The following FCHO2 variants were observed in gnomAD, a reference collection of about 807,000 sequenced individuals.
FCHO2 encodes F-BAR domain only protein 2.
FCHO2 carries 43 observed loss-of-function variants against 114.1 expected under a neutral mutation model. The observed-to-expected ratio is 0.38, with a 90% CI of 0.30 to 0.49. FCHO2 has a LOEUF of 0.49. Among genes scored for constraint, FCHO2 ranks in the 20% least tolerant of loss-of-function variants. The pLI is 0.97. For missense variants in FCHO2, 807 were observed against 950.4 expected, an observed-to-expected ratio of 0.85 and a Z score of 1.98; for synonymous variants, 293 against 315.2, an observed-to-expected ratio of 0.93 and a Z score of 0.75.
intron 8 of FCHO2, among the ~76,000 whole-genome samples, chr5:73,027,911 A>G (rs1221228492): frequency 1.3e-5 from 2 of 152,142 alleles, no homozygotes; most frequent in East Asian, 1.9e-4. Context: ...AAGGCTGACT[A>G]TACCAGCCAG....
chr5:73,055,066 C>T (rs762301914), intron 15 of FCHO2: 2 of 382,526 alleles, frequency 5.2e-6, no homozygotes, highest in South Asian at 4.0e-5. Flanking sequence ...ATTTTGTTAA[C>T]AGAAGACTTA....
chr5:72,980,240 G>A (rs1316311677), intron 2 of FCHO2, among the ~76,000 whole-genome samples: 2 of 152,230 alleles, frequency 1.3e-5, no homozygotes, highest in East Asian at 1.9e-4. Flanking sequence ...TTCAGTTTCC[G>A]TGTAGTTGTG....
At chr5:73,039,459 C>T (rs907990081) in intron 10 of FCHO2, among the ~76,000 whole-genome samples, 4 of 152,148 alleles carry the variant, frequency 2.6e-5, no homozygotes, top group Non-Finnish European at 5.9e-5. Context: ...TAGAAATGTT[C>T]TAACATCTTG....
chr5:73,078,343 AT>A, intron 22 of FCHO2, 31 bp downstream of exon 22: 1 of 1,532,036 alleles, frequency 6.5e-7, no homozygotes, highest in South Asian at 1.3e-5. Flanking sequence ...AAAATTCTAA[AT>A]TAAAATATTA....
rs140422461 is a variant in FCHO2, at chr5:73,074,904, A to T, written c.1691+51A>T. On this transcript the variant is annotated intron_variant, in intron 20 of 25. Coordinates refer to ENST00000430046, the MANE Select transcript of FCHO2 (RefSeq NM_138782.3). ...ATGTGTATGTATGTGTGTTGGGTGG[A>T]GGAGGTGGTGGGGCTTGGTGGTAAA... The T allele has an allele frequency of 4.6e-5, 66 of 1,432,706 alleles. No individual in the cohort carries two copies. The Middle Eastern group carries it at 1.1e-3, about 23-fold the overall frequency. The allele number at this position is 1,432,706 out of a possible 1,614,324, so 88.7% of individuals were successfully genotyped here. A position where few individuals can be genotyped will look rare whatever the true frequency, so the allele number is the denominator to read the frequency against.
chr5:72,997,030 C>G (rs1373171173), intron 5 of FCHO2: 4 of 1,439,676 alleles, frequency 2.8e-6, no homozygotes, highest in Non-Finnish European at 3.9e-6. Context: ...TAATTCAGCA[C>G]CAAACTGTTC....
chr5:72,956,842 ATTC>A (rs1004790031), intron 1 of FCHO2, among the ~76,000 whole-genome samples: 2 of 150,068 alleles, frequency 1.3e-5, no homozygotes, highest in African/African-American at 2.5e-5. Flanking sequence ...TCAGTATTAG[ATTC>A]TTCTTTGAGA....
At chr5:73,042,977 T>A (rs1166998852) in intron 11 of FCHO2, among the ~76,000 whole-genome samples, 1 of 152,216 alleles carries the variant, frequency 6.6e-6, no homozygotes, top group Non-Finnish European at 1.5e-5. Flanking sequence ...TGCTCAGGCT[T>A]GAGTGCCGTT....
chr5:72,956,195 T>A (rs1037834143), intron 1 of FCHO2, 66 bp downstream of exon 1: 1 of 1,494,324 alleles, frequency 6.7e-7, no homozygotes, highest in African/African-American at 1.5e-5. Context: ...GAGCTTGGCC[T>A]GCGTGCGCTT....
chr5:72,986,384 CTT>C (rs1042018416), intron 2 of FCHO2, among the ~76,000 whole-genome samples: 10 of 152,178 alleles, frequency 6.6e-5, no homozygotes, highest in South Asian at 6.2e-4. Flanking sequence ...GACCTGAACT[CTT>C]TTTCTTTTGG....
chr5:73,088,367 A>T lies in FCHO2; in HGVS notation c.*277A>T. On this transcript the variant is annotated 3_prime_UTR_variant, in exon 26 of 26. Transcript: ENST00000430046. ...AAGTTTTTGTAGGATTAATTTTTAAATTATTTCCAGTGTCTATGTTGAAAA... is the reference window on the plus strand; with the variant it reads ...AAGTTTTTGTAGGATTAATTTTTAATTTATTTCCAGTGTCTATGTTGAAAA... 2.3e-6 allele frequency: 1 copy of T among 429,454 alleles called. No individual in the cohort carries two copies. The highest frequency in any genetic ancestry group is 4.2e-6 in the Non-Finnish European group (1 of 238,722). The allele number at this position is 429,454 out of a possible 1,614,324, so 26.6% of individuals were successfully genotyped here.
At chr5:73,057,768 C>G (rs1757664802) in intron 16 of FCHO2, among the ~76,000 whole-genome samples, 1 of 152,140 alleles carries the variant, frequency 6.6e-6, no homozygotes, top group African/African-American at 2.4e-5. Flanking sequence ...TGTCTTTGGG[C>G]AGTTCATTTA....
intron 2 of FCHO2, among the ~76,000 whole-genome samples, chr5:72,972,408 G>A (rs1056101762): frequency 6.6e-6 from 1 of 151,994 alleles, no homozygotes; most frequent in African/African-American, 2.4e-5. Flanking sequence ...CCTTGAAGAG[G>A]TCCTTCCCAT....
At chr5:73,078,740 A>T (rs1165120730) in intron 22 of FCHO2, among the ~76,000 whole-genome samples, 2 of 152,236 alleles carry the variant, frequency 1.3e-5, no homozygotes, top group African/African-American at 2.4e-5. Context: ...CAAAATTATT[A>T]TTGCTTACAG....
chr5:73,065,681 A>G (rs565741100), intron 18 of FCHO2, among the ~76,000 whole-genome samples: 5 of 152,170 alleles, frequency 3.3e-5, no homozygotes, highest in East Asian at 1.9e-4. Context: ...CATACTTTAC[A>G]TATTTCTAAT....
At chr5:73,035,675 G>GT in intron 9 of FCHO2, among the ~76,000 whole-genome samples, 1 of 152,084 alleles carries the variant, frequency 6.6e-6, no homozygotes, top group South Asian at 2.1e-4. Flanking sequence ...GCTAACTTTT[G>GT]TATTTTTTTT....
Position 73,051,420 on chromosome 5 carries a change from A to G in FCHO2, c.997+14A>G, listed in dbSNP as rs1286485946. The G allele has an allele frequency of 6.7e-7, 1 of 1,489,520 alleles. No individual in the cohort carries two copies. Among genetic ancestry groups the G allele is most frequent in the Non-Finnish European group, 9.1e-7 (1 of 1,095,996 alleles). 92.3% of individuals were successfully genotyped at this position (1,489,520 alleles called of 1,614,324 possible). A position where few individuals can be genotyped will look rare whatever the true frequency, so the allele number is the denominator to read the frequency against. On this transcript the variant is annotated intron_variant, in intron 12 of 25. Transcript: ENST00000430046. ...CAAATCAGAATGATATCCTTTCATCATCTAGTATTCTTAAGGATTATGTTG... is the reference window on the plus strand; with the variant it reads ...CAAATCAGAATGATATCCTTTCATCGTCTAGTATTCTTAAGGATTATGTTG...
intron 5 of FCHO2, among the ~76,000 whole-genome samples, chr5:72,992,940 GAGA>G (rs1208452214): frequency 2.0e-5 from 3 of 149,218 alleles, no homozygotes; most frequent in Non-Finnish European, 4.4e-5. Context: ...AAGGGCGAGA[GAGA>G]AGAAGAGAAA....
rs548430818 is a variant in FCHO2, at chr5:72,982,822, A to T, written c.126-6605A>T. Among the ~76,000 whole-genome samples, 278 of 116,414 alleles carry T rather than the reference A, an allele frequency of 2.4e-3. 1 individual carries two copies. The highest frequency in any genetic ancestry group is 8.3e-3 in the African/African-American group (265 of 32,002). 76.4% of individuals were successfully genotyped at this position (116,414 alleles called of 152,430 possible). On this transcript the variant is annotated intron_variant, in intron 2 of 25. Coordinates refer to ENST00000430046, the MANE Select transcript of FCHO2 (RefSeq NM_138782.3). ...TGAAGGGTGTAAGGTCTGTGTCTGG[A>T]TTCATTTTTTTTTTTTTTTTTTTTG...
Sources: gnomAD v4.1 joint callset for allele counts (sites outside exome capture counted in the v4.1 genomes callset) on GRCh38, gnomAD v4.1.1 for gene constraint, MANE v1.5 for transcripts, NCBI Gene and HGNC (gene_info 2026-07-23, HGNC 2026-07-21) for gene names.